VPS13B: variants seen among roughly 807,000 people sequenced by gnomAD.
The protein encoded by VPS13B is intermembrane lipid transfer protein VPS13B.
VPS13B carries 285 observed loss-of-function variants against 426.4 expected under a neutral mutation model. That is an observed-to-expected ratio of 0.67 (90% CI 0.61 to 0.74). The LOEUF is 0.74. Among genes scored for constraint, VPS13B ranks in the 30% least tolerant of loss-of-function variants. The pLI, the probability that VPS13B is intolerant of heterozygous loss-of-function variation, is 0.00. For missense variants in VPS13B, 4,537 were observed against 4,782.6 expected (o/e 0.95, Z 1.51); for synonymous variants, 1,676 against 1,676.4 (o/e 1.00, Z 0.01).
chr8:99,873,143 CT>C (rs1487039028), intron 61 of VPS13B: 1 of 152,170 alleles, frequency 6.6e-6, no homozygotes, highest in East Asian at 1.9e-4. Flanking sequence ...CTCCAAGGCC[CT>C]GTGACCATCA....
intron 29 of VPS13B, 54 bp from the exon 30 acceptor site, chr8:99,520,845 T>G (rs1822347140): frequency 7.0e-7 from 1 of 1,437,260 alleles, no homozygotes; most frequent in Non-Finnish European, 9.8e-7. Context: ...TCCTTATGCA[T>G]AAAGTTATGT....
rs184114030 is a variant in VPS13B at position 99,580,752 on chromosome 8, T to C, written c.5220+3119T>C. On this transcript the variant is annotated intron_variant, in intron 33 of 61. Transcript: ENST00000357162. Reference sequence around the variant, plus strand: ...CTGTAGTCCCAGCTACTCGGGAGGCTGAGGTGGGAGGATCACTTGAGCCCC... The same window carrying C: ...CTGTAGTCCCAGCTACTCGGGAGGCCGAGGTGGGAGGATCACTTGAGCCCC... Among the ~76,000 whole-genome samples, 471 of 151,796 alleles carry C rather than the reference T, an allele frequency of 3.1e-3. 2 individuals are homozygous for C. The highest frequency in any genetic ancestry group is 5.4e-3 in the Non-Finnish European group (365 of 67,966).
chr8:99,027,314 T>C (rs2132171739), intron 2 of VPS13B, among the ~76,000 whole-genome samples: 1 of 152,308 alleles, frequency 6.6e-6, no homozygotes, highest in African/African-American at 2.4e-5. Flanking sequence ...ATTTTGCTAA[T>C]TGCCTTTTTT....
intron 11 of VPS13B, 50 bp from the exon 12 acceptor site, chr8:99,136,613 CAA>C: frequency 6.3e-7 from 1 of 1,596,114 alleles, no homozygotes; most frequent in Non-Finnish European, 8.6e-7. Context: ...GCTTTAAACT[CAA>C]AAGTTTCTTT....
At chr8:99,150,195 C>T (rs1810988671) in intron 14 of VPS13B, among the ~76,000 whole-genome samples, 1 of 152,180 alleles carries the variant, frequency 6.6e-6, no homozygotes, top group African/African-American at 2.4e-5. Context: ...TGCATTTTGT[C>T]ATCTCTGTTT....
At chr8:99,030,160 A>G (rs982606766) in intron 2 of VPS13B, among the ~76,000 whole-genome samples, 1 of 52,276 alleles carries the variant, frequency 1.9e-5, no homozygotes, top group South Asian at 5.5e-4. Flanking sequence ...TTTTTTACTT[A>G]ATAGTATCCC....
chr8:99,401,091 C>T (rs1436733020), intron 21 of VPS13B, among the ~76,000 whole-genome samples: 2 of 152,240 alleles, frequency 1.3e-5, no homozygotes, highest in South Asian at 2.1e-4. Flanking sequence ...TGGAAAGCTG[C>T]CTCACTGAGA....
chr8:99,361,543 TAA>T (rs1812558131), intron 19 of VPS13B, among the ~76,000 whole-genome samples: 1 of 152,188 alleles, frequency 6.6e-6, no homozygotes. Context: ...CCAGCTTGAT[TAA>T]ATTATACCCC....
chr8:99,133,717 G>GGAGT (rs1280306255), intron 8 of VPS13B, among the ~76,000 whole-genome samples: 5 of 152,056 alleles, frequency 3.3e-5, no homozygotes, highest in African/African-American at 1.2e-4. Flanking sequence ...GGGAGAGAGG[G>GGAGT]GAGTGGCTAG....
At chr8:99,572,470 C>T (rs927778729) in intron 31 of VPS13B, among the ~76,000 whole-genome samples, 13 of 150,436 alleles carry the variant, frequency 8.6e-5, no homozygotes, top group Non-Finnish European at 1.8e-4. Flanking sequence ...CACCCCACAA[C>T]AGGCCCTGCT....
intron 17 of VPS13B, among the ~76,000 whole-genome samples, chr8:99,238,241 AGTGTGT>A (rs199541620): frequency 1.5e-4 from 23 of 150,040 alleles, no homozygotes; most frequent in African/African-American, 4.4e-4. Context: ...AGTTTGTGGG[AGTGTGT>A]GTGTGTGTGT....
At chr8:99,424,386 G>C (rs1033037087) in intron 21 of VPS13B, 4 of 152,056 alleles carry the variant, frequency 2.6e-5, no homozygotes, top group Non-Finnish European at 5.9e-5. Flanking sequence ...AGTCAAACTA[G>C]AACCCAGGAT....
chr8:99,257,669 A>T (rs1008128605), intron 17 of VPS13B, among the ~76,000 whole-genome samples: 3 of 152,118 alleles, frequency 2.0e-5, no homozygotes, highest in Admixed American at 6.6e-5. Context: ...CCATGCTTCA[A>T]ATATTTTTAA....
intron 19 of VPS13B, among the ~76,000 whole-genome samples, chr8:99,276,518 C>T (rs1301487234): frequency 6.6e-6 from 1 of 152,122 alleles, no homozygotes; most frequent in Non-Finnish European, 1.5e-5. Flanking sequence ...ATGGCCCATA[C>T]AGTCTCTGTC....
intron 28 of VPS13B, among the ~76,000 whole-genome samples, chr8:99,510,186 CA>C (rs1563768464): frequency 6.6e-6 from 1 of 152,154 alleles, no homozygotes; most frequent in African/African-American, 2.4e-5. Context: ...TTTAAATATG[CA>C]GTAACTGTTT....
intron 33 of VPS13B, among the ~76,000 whole-genome samples, chr8:99,613,043 T>TA (rs576694277): frequency 9.0e-4 from 137 of 152,316 alleles, no homozygotes; most frequent in South Asian, 1.7e-3. Context: ...GTATCTTTTT[T>TA]AAAAAAATCT....
chr8:99,401,697 C>T (rs937594075), intron 21 of VPS13B, among the ~76,000 whole-genome samples: 1 of 152,156 alleles, frequency 6.6e-6, no homozygotes, highest in Admixed American at 6.6e-5. Context: ...GAAACCCTGT[C>T]TCTACTAAAA....
At chr8:99,084,419 A>G (rs1258752532) in intron 3 of VPS13B, among the ~76,000 whole-genome samples, 2 of 151,734 alleles carry the variant, frequency 1.3e-5, no homozygotes, top group Admixed American at 6.6e-5. Context: ...TGGATTCTTT[A>G]ATTTTTTGAA....
chr8:99,291,420 C>T (rs1392077391), intron 19 of VPS13B, among the ~76,000 whole-genome samples: 1 of 152,126 alleles, frequency 6.6e-6, no homozygotes, highest in African/African-American at 2.4e-5. Flanking sequence ...TCATATTCTT[C>T]ACCATTACGT....
Sources: allele counts gnomAD v4.1 joint callset (sites outside exome capture counted in the v4.1 genomes callset), GRCh38; gene constraint gnomAD v4.1.1; transcripts MANE v1.5; gene names NCBI Gene and HGNC (gene_info 2026-07-23, HGNC 2026-07-21).